The following PTTG1 variants were observed in gnomAD, a reference collection of about 807,000 sequenced individuals.
PTTG1 encodes the protein PTTG1 regulator of sister chromatid separation, securin.
A neutral mutation model predicts 20.0 loss-of-function variants in PTTG1; 8 were observed. The ratio of observed to expected loss-of-function variants is 0.40; its 90% confidence interval spans 0.23 to 0.72. The LOEUF is 0.72. Ranked by LOEUF, PTTG1 falls within the 30% of genes least tolerant of loss-of-function variation. PTTG1 has a pLI of 0.38. For missense variants in PTTG1, 197 were observed against 236.0 expected (o/e 0.83, Z 1.08); for synonymous variants, 79 against 87.2 (o/e 0.91, Z 0.52).
chr5:160,427,008 C>G (rs559016220), intron 4 of PTTG1, among the ~76,000 whole-genome samples: 1 of 152,272 alleles, frequency 6.6e-6, no homozygotes, highest in Admixed American at 6.5e-5. Context: ...TGCCACTGCA[C>G]TGCAGCCTAG....
intron 1 of PTTG1, 44 bp from the exon 2 acceptor site, chr5:160,422,258 T>C (rs1033082516): frequency 6.1e-5 from 89 of 1,451,760 alleles, no homozygotes; most frequent in Non-Finnish European, 7.6e-5. Flanking sequence ...TACCTTTGCT[T>C]CTCCCACCTT....
Position 160,427,700 on chromosome 5 carries a change from TTC to T in PTTG1, c.371-9_371-8del. 6.2e-7 allele frequency: 1 copy of T among 1,612,282 alleles called. No homozygotes were observed. Among genetic ancestry groups the T allele is most frequent in the Non-Finnish European group, 8.5e-7 (1 of 1,178,840 alleles). On this transcript the variant is annotated splice_polypyrimidine_tract_variant and intron_variant, in intron 4 of 5. Transcript: ENST00000352433. ...GAACTGCTGCCCTGACAAAAACGCT[TTC>T]TCTCTGTAACAGACTTTGAGAGTTT...
At chr5:160,424,429 C>T (rs1414901173) in intron 4 of PTTG1, 99 bp downstream of exon 4, 1 of 828,114 alleles carries the variant, frequency 1.2e-6, no homozygotes, top group African/African-American at 1.8e-5. Flanking sequence ...TGACCAAAAA[C>T]TATGATGAGA....
chr5:160,425,622 C>T (rs1765790831), intron 4 of PTTG1, among the ~76,000 whole-genome samples: 1 of 152,142 alleles, frequency 6.6e-6, no homozygotes, highest in African/African-American at 2.4e-5. Context: ...TGGCCACTTA[C>T]AGTTTTTCTT....
intron 4 of PTTG1, among the ~76,000 whole-genome samples, chr5:160,426,705 G>A (rs1561572719): frequency 6.6e-6 from 1 of 152,180 alleles, no homozygotes; most frequent in Non-Finnish European, 1.5e-5. Flanking sequence ...CATCAGAAAA[G>A]TCTAAGCACC....
rs1315537111 is a variant in PTTG1 at position 160,422,768 on chromosome 5, G to A, written c.151G>A (p.Asp51Asn). ...AACACCACGTTTTGGCAAAACGTTC[G>A]ATGCCCCACCAGCCTTACCTAAAGC... ...VSTPRFGKTF[D>N]APPALPKATR... The change falls in exon 3 of 6, where the codon GAT (aspartate) becomes AAT (asparagine). Residue 51 changes from aspartate (D) to asparagine (N), a missense_variant. Coordinates refer to ENST00000352433, the MANE Select transcript of PTTG1 (RefSeq NM_004219.4). The A allele has an allele frequency of 1.9e-6, 3 of 1,613,984 alleles. No individual in the cohort carries two copies. The highest frequency in any genetic ancestry group is 2.2e-5 in the East Asian group (1 of 44,892).
At chr5:160,423,611 GAC>G (rs1765756779) in intron 3 of PTTG1, among the ~76,000 whole-genome samples, 1 of 152,196 alleles carries the variant, frequency 6.6e-6, no homozygotes, top group Non-Finnish European at 1.5e-5. Flanking sequence ...AAAACAATGA[GAC>G]ACAGAACCGA....
chr5:160,423,319 G>C (rs565877437), intron 3 of PTTG1, among the ~76,000 whole-genome samples: 1 of 152,340 alleles, frequency 6.6e-6, no homozygotes, highest in Admixed American at 6.5e-5. Flanking sequence ...GCCTTCCAGG[G>C]CAAGCAGCAG....
chr5:160,424,578 G>T, intron 4 of PTTG1: 1 of 360,254 alleles, frequency 2.8e-6, no homozygotes, highest in East Asian at 5.1e-5. Context: ...TCACCTAGAG[G>T]AGGTAAGATG....
intron 4 of PTTG1, 197 bp downstream of exon 4, chr5:160,424,527 A>G (rs1017481007): frequency 1.9e-5 from 10 of 515,612 alleles, no homozygotes; most frequent in Non-Finnish European, 3.1e-5. Flanking sequence ...GGGAATAGGA[A>G]CAAAGATGTA....
intron 3 of PTTG1, among the ~76,000 whole-genome samples, chr5:160,423,795 CT>C (rs1412976443): frequency 3.3e-5 from 5 of 152,170 alleles, no homozygotes; most frequent in African/African-American, 1.2e-4. Flanking sequence ...CAGTGTCTTG[CT>C]GCCTCTTACT....
intron 3 of PTTG1, among the ~76,000 whole-genome samples, 171 bp from the exon 4 acceptor site, chr5:160,424,066 A>G (rs1387171653): frequency 6.6e-6 from 1 of 152,234 alleles, no homozygotes; most frequent in East Asian, 1.9e-4. Flanking sequence ...CTTTTGAGTC[A>G]TGCTACTCGA....
chr5:160,427,602 C>T (rs1765830497), intron 4 of PTTG1, 113 bp from the exon 5 acceptor site: 17 of 1,216,926 alleles, frequency 1.4e-5, no homozygotes, highest in Non-Finnish European at 1.7e-5. Flanking sequence ...TGAATATTGT[C>T]TTGAAAATAG....
At position 160,422,759 on chromosome 5, in the gene PTTG1, A is replaced by G. The variant is rs772827960; in HGVS notation, c.142A>G (p.Lys48Glu). 3 of 1,614,172 alleles carry G rather than the reference A, an allele frequency of 1.9e-6. No individual in the cohort carries two copies. Among genetic ancestry groups the G allele is most frequent in the Admixed American group, 1.7e-5 (1 of 60,024 alleles). The stretch of plus-strand genomic sequence containing the variant: ...TCAAGTTTCAACACCACGTTTTGGC[A>G]AAACGTTCGATGCCCCACCAGCCTT... Reference protein sequence around the residue: ...RSQVSTPRFGKTFDAPPALPK... With the variant: ...RSQVSTPRFGETFDAPPALPK... Residue 48 changes from lysine (K) to glutamate (E), a missense_variant, in exon 3 of 6, where the codon AAA (lysine) becomes GAA (glutamate). Lys to Glu is a moderately conservative substitution (Grantham distance 56). Coordinates refer to ENST00000352433, the MANE Select transcript of PTTG1 (RefSeq NM_004219.4).
At chr5:160,428,543 G>T (rs1765852635) in intron 5 of PTTG1, 59 bp from the exon 6 acceptor site, 2 of 1,424,654 alleles carry the variant, frequency 1.4e-6, no homozygotes, top group South Asian at 1.2e-5. Flanking sequence ...TGTCTATGTT[G>T]ATATGGACAA....
At position 160,428,674 on chromosome 5, in the gene PTTG1, A is replaced by G; in HGVS notation, c.602A>G (p.Asp201Gly). The change falls in exon 6 of 6, where the codon GAT becomes GGT. Residue 201 changes from aspartate to glycine, a missense_variant. Asp to Gly is a moderately conservative substitution (Grantham distance 94). Transcript: ENST00000352433. ...TTGCCACCTGTTTGCTGTGACATAG[A>G]TATTTAAATTTCTTAGTGCTTCAGA... ...VELPPVCCDI[D>G]I is the part of the protein sequence containing the mutation. 6.2e-7 allele frequency: 1 copy of G among 1,612,614 alleles called. No homozygotes were observed. The highest frequency in any genetic ancestry group is 8.5e-7 in the Non-Finnish European group (1 of 1,178,636).
Position 160,424,228 on chromosome 5 carries a change from C to G in PTTG1, c.277-9C>G. 1 of 1,592,130 alleles carries G rather than the reference C, an allele frequency of 6.3e-7. No individual in the cohort carries two copies. Among genetic ancestry groups the G allele is most frequent in the Non-Finnish European group, 8.6e-7 (1 of 1,164,110 alleles). The stretch of plus-strand genomic sequence containing the variant: ...TGTCACTAACCCATATTTTCTTTGG[C>G]TGTTCTAGATGACTGAGAAGACTGT... On this transcript the variant is annotated splice_polypyrimidine_tract_variant and intron_variant, in intron 3 of 5. Transcript: ENST00000352433.
chr5:160,427,818 G>A lies in PTTG1; in HGVS notation c.474G>A (p.Leu158=), dbSNP rs377676384. The A allele has an allele frequency of 1.4e-4, 233 of 1,614,070 alleles. No individual in the cohort carries two copies. The highest frequency in any genetic ancestry group is 1.8e-4 in the Non-Finnish European group (212 of 1,180,040). ...ACGAGGAGAGAGAGCTTGAAAAGCTGTTTCAGCTGGGCCCCCCTTCACCTG... is the reference window on the plus strand; with the variant it reads ...ACGAGGAGAGAGAGCTTGAAAAGCTATTTCAGCTGGGCCCCCCTTCACCTG... The part of the protein sequence containing the change: ...ILDEERELEK[L]FQLGPPSPVK... Residue 158 remains leucine (L), a synonymous_variant, in exon 5 of 6, where the codon CTG becomes CTA. Coordinates refer to ENST00000352433, the MANE Select transcript of PTTG1 (RefSeq NM_004219.4).
intron 2 of PTTG1, 104 bp from the exon 3 acceptor site, chr5:160,422,605 G>C (rs370567842): frequency 2.4e-5 from 32 of 1,331,930 alleles, no homozygotes; most frequent in African/African-American, 1.0e-4. Flanking sequence ...TACCAAAAGT[G>C]GGGGGTGGGT....
Sources: allele counts gnomAD v4.1 joint callset (sites outside exome capture counted in the v4.1 genomes callset), GRCh38; gene constraint gnomAD v4.1.1; transcripts MANE v1.5; gene names NCBI Gene and HGNC (gene_info 2026-07-23, HGNC 2026-07-21).